Variants in TUSC3 observed in about 807,000 individuals in gnomAD.
TUSC3 encodes tumor suppressor candidate 3, also known as dolichyl-diphosphooligosaccharide--protein glycosyltransferase subunit TUSC3.
TUSC3 carries 45 observed loss-of-function variants against 44.8 expected under a neutral mutation model. The observed-to-expected ratio is 1.00, with a 90% CI of 0.79 to 1.29. The LOEUF (loss-of-function observed/expected upper bound fraction) is 1.29, where lower values mean the gene tolerates loss of function less well. Among genes scored for constraint, TUSC3 ranks in the 50% most tolerant of loss-of-function variants. The pLI is 0.00. For synonymous variants in TUSC3, 212 were observed against 152.9 expected (o/e 1.39, Z -2.85); for missense variants, 519 against 437.9 (o/e 1.19, Z -1.65).
In TUSC3 at chr8:15,715,174, T is replaced by C. The variant is rs142174316; in HGVS notation, c.799-15492T>C. 3.2e-3 allele frequency among the ~76,000 whole-genome samples: 481 copies of C among 152,244 alleles called. 2 individuals are homozygous for C. Among genetic ancestry groups the C allele is most frequent in the African/African-American group, 0.011 (469 of 41,552 alleles). On this transcript the variant is annotated intron_variant, in intron 6 of 10. Coordinates refer to ENST00000503731, the MANE Select transcript of TUSC3 (RefSeq NM_006765.4). The stretch of plus-strand genomic sequence containing the variant: ...CAAGACCATCATTCAGTGCTTGAAA[T>C]CTCAGATAGTACCAAACTCTATATA...
chr8:15,725,992 T>C (rs1463710549), intron 6 of TUSC3, among the ~76,000 whole-genome samples: 1 of 152,184 alleles, frequency 6.6e-6, no homozygotes, highest in East Asian at 1.9e-4. Flanking sequence ...TTGCTTTTTG[T>C]TACCCTAGCT....
intron 2 of TUSC3, among the ~76,000 whole-genome samples, chr8:15,525,005 A>G (rs978196205): frequency 6.6e-6 from 1 of 152,242 alleles, no homozygotes; most frequent in African/African-American, 2.4e-5. Context: ...TAGAACACTG[A>G]AAGATAACAA....
chr8:15,484,137 A>T (rs1443342864), intron 2 of TUSC3, among the ~76,000 whole-genome samples: 3 of 152,002 alleles, frequency 2.0e-5, no homozygotes, highest in African/African-American at 2.4e-5. Context: ...TGTTTTCTAA[A>T]TCCTTCTCAT....
chr8:15,811,480 A>G, the TUSC3 span, among the ~76,000 whole-genome samples: 1 of 152,200 alleles, frequency 6.6e-6, no homozygotes, highest in Non-Finnish European at 1.5e-5. Flanking sequence ...TTCACTGACC[A>G]GAAATCAGTC....
intron 1 of TUSC3, among the ~76,000 whole-genome samples, chr8:15,566,682 C>T (rs956305624): frequency 6.6e-6 from 1 of 151,752 alleles, no homozygotes; most frequent in Middle Eastern, 3.4e-3. Context: ...TACACTGGCA[C>T]AATCACAGCT....
intron 7 of TUSC3, among the ~76,000 whole-genome samples, chr8:15,741,335 A>C (rs1811187790): frequency 1.3e-5 from 2 of 152,200 alleles, no homozygotes; most frequent in Admixed American, 6.5e-5. Context: ...TTATTAGATG[A>C]ATCATAAAAT....
At chr8:15,829,089 T>A in the TUSC3 span, among the ~76,000 whole-genome samples, 79 of 152,314 alleles carry the variant, frequency 5.2e-4, no homozygotes, top group Non-Finnish European at 7.4e-5. Flanking sequence ...TACCCACTTC[T>A]CTTTTTCTTT....
At chr8:15,452,306 T>A (rs568183964) in intron 1 of TUSC3, among the ~76,000 whole-genome samples, 2 of 152,204 alleles carry the variant, frequency 1.3e-5, no homozygotes, top group Non-Finnish European at 2.9e-5. Context: ...GTTCTAGGTA[T>A]AAATGCTGAA....
chr8:15,724,515 C>T (rs1439085481), intron 6 of TUSC3, among the ~76,000 whole-genome samples: 2 of 152,134 alleles, frequency 1.3e-5, no homozygotes, highest in East Asian at 3.9e-4. Flanking sequence ...AAGGAAAATA[C>T]AAGATTTTTT....
rs190673803 is a variant in TUSC3 at position 15,763,296 on chromosome 8, A to G, written c.*47-907A>G. On this transcript the variant is annotated intron_variant, in intron 10 of 10. Coordinates refer to ENST00000503731, the MANE Select transcript of TUSC3 (RefSeq NM_006765.4). ...CTAATGAGGAAACCGAGGTTCAGAA[A>G]GACGAAACAATTTATGCCTAGGATG... Among the ~76,000 whole-genome samples the G allele has an allele frequency of 2.3e-3, 350 of 152,102 alleles. 6 individuals are homozygous for G. The highest frequency in any genetic ancestry group is 0.022 in the Admixed American group (343 of 15,250).
At chr8:15,435,085 G>A (rs1005065189) in intron 1 of TUSC3, among the ~76,000 whole-genome samples, 6 of 148,758 alleles carry the variant, frequency 4.0e-5, no homozygotes, top group Non-Finnish European at 7.4e-5. Flanking sequence ...GGTATTTCTA[G>A]TTCTAGATCC....
At chr8:15,560,562 T>C (rs1399170001) in intron 1 of TUSC3, among the ~76,000 whole-genome samples, 2 of 146,814 alleles carry the variant, frequency 1.4e-5, no homozygotes, top group Admixed American at 1.4e-4. Context: ...CCTTGCTAGA[T>C]TGGGGAAGTT....
At chr8:15,713,500 T>A (rs1002529973) in intron 6 of TUSC3, among the ~76,000 whole-genome samples, 7 of 152,154 alleles carry the variant, frequency 4.6e-5, no homozygotes, top group African/African-American at 1.7e-4. Flanking sequence ...ATTAGTTTGC[T>A]AGGGCTGCCA....
At chr8:15,616,884 T>A (rs566366414) in intron 1 of TUSC3, among the ~76,000 whole-genome samples, 3 of 152,144 alleles carry the variant, frequency 2.0e-5, no homozygotes, top group East Asian at 3.9e-4. Flanking sequence ...AGGCCAAGCA[T>A]AGAACTGCAG....
intron 2 of TUSC3, among the ~76,000 whole-genome samples, chr8:15,642,482 C>G (rs1213177166): frequency 6.6e-6 from 1 of 152,148 alleles, no homozygotes; most frequent in Non-Finnish European, 1.5e-5. Context: ...TATCAGTTGA[C>G]TAGAAAAGAC....
intron 6 of TUSC3, among the ~76,000 whole-genome samples, chr8:15,698,547 G>T (rs892802383): frequency 2.0e-5 from 3 of 152,094 alleles, no homozygotes; most frequent in African/African-American, 7.2e-5. Flanking sequence ...TTATGGTTCA[G>T]AAATGTCTTT....
chr8:15,449,184 A>G (rs1176805932), intron 1 of TUSC3, among the ~76,000 whole-genome samples: 1 of 152,200 alleles, frequency 6.6e-6, no homozygotes, highest in African/African-American at 2.4e-5. Flanking sequence ...GAAGAATAGG[A>G]CAGGGATTTA....
intron 6 of TUSC3, among the ~76,000 whole-genome samples, chr8:15,705,266 G>A (rs1458483497): frequency 6.6e-6 from 1 of 151,698 alleles, no homozygotes; most frequent in African/African-American, 2.4e-5. Context: ...ATGATGAGTG[G>A]AGTTTCACAG....
At chr8:15,817,440 G>C in the TUSC3 span, among the ~76,000 whole-genome samples, 1 of 152,208 alleles carries the variant, frequency 6.6e-6, no homozygotes, top group East Asian at 1.9e-4. Context: ...GTTTGGCTTG[G>C]TCTCCACCTA....
Sources: gnomAD v4.1 joint callset for allele counts (sites outside exome capture counted in the v4.1 genomes callset) on GRCh38, gnomAD v4.1.1 for gene constraint, MANE v1.5 for transcripts, NCBI Gene and HGNC (gene_info 2026-07-23, HGNC 2026-07-21) for gene names.